Variants in SYCP2 observed in about 807,000 individuals in gnomAD.
SYCP2 encodes synaptonemal complex lateral element protein.
Under a neutral mutation model 211.3 loss-of-function variants are expected in SYCP2, and 55 were observed. The observed-to-expected ratio is 0.26, with a 90% CI of 0.21 to 0.33. SYCP2 has a LOEUF of 0.33. Ranked by LOEUF, SYCP2 falls within the 10% of genes least tolerant of loss-of-function variation. The pLI is 1.00. For synonymous variants in SYCP2, 570 were observed against 555.2 expected (o/e 1.03, Z -0.37); for missense variants, 1,731 against 1,752.0 (o/e 0.99, Z 0.21).
In SYCP2 at chr20:59,869,857, G is replaced by C; in HGVS notation, c.3682C>G (p.Arg1228Gly). The C allele has an allele frequency of 6.2e-7, 1 of 1,607,452 alleles. No homozygotes were observed. The highest frequency in any genetic ancestry group is 8.5e-7 in the Non-Finnish European group (1 of 1,175,492). ...TGTGGAGATTCAATTTCCATAAACC[G>C]TTCTTCTGAACTATAACTGCTTACA... The part of the protein sequence containing the change: ...SDVSSYSSEE[R>G]FMEIESPHIN... Residue 1228 changes from arginine to glycine, a missense_variant, in exon 36 of 45, where the codon CGG (arginine) becomes GGG (glycine). Arg to Gly is a moderately radical substitution (Grantham distance 125). Around this residue, in one of 3 missense-constraint regions of SYCP2, gnomAD observed 1,387 missense variants for 1,351.3 expected, o/e 1.03. Coordinates refer to ENST00000357552, the MANE Select transcript of SYCP2 (RefSeq NM_014258.4).
At chr20:59,932,873 G>A (rs934798587) in intron 1 of SYCP2, among the ~76,000 whole-genome samples, 1 of 152,122 alleles carries the variant, frequency 6.6e-6, no homozygotes. Flanking sequence ...GCGGGAGGGA[G>A]AGAAGGGACT....
In SYCP2 at chr20:59,886,748, G is replaced by A; in HGVS notation, c.2451C>T (p.Asp817=). ...CCTTTAATTTTCTTGTAGACTTGATGTCATCTTTTGTTTTGTATCTTTTAT... is the reference window on the plus strand; with the variant it reads ...CCTTTAATTTTCTTGTAGACTTGATATCATCTTTTGTTTTGTATCTTTTAT... The part of the protein sequence containing the change: ...QINKRYKTKD[D]IKSTRKLKES... Residue 817 remains aspartate (D), a synonymous_variant, in exon 25 of 45, where the codon GAC becomes GAT. Coordinates refer to ENST00000357552, the MANE Select transcript of SYCP2 (RefSeq NM_014258.4). 1.3e-6 allele frequency: 2 copies of A among 1,585,064 alleles called. No individual in the cohort carries two copies. Among genetic ancestry groups the A allele is most frequent in the Middle Eastern group, 1.7e-4 (1 of 5,954 alleles).
At chr20:59,886,052 A>T (rs2059781730) in intron 25 of SYCP2, 88 bp from the exon 26 acceptor site, 1 of 1,000,698 alleles carries the variant, frequency 1.0e-6, no homozygotes, top group Non-Finnish European at 1.5e-6. Flanking sequence ...GTTTGTCACT[A>T]AATTTATATT....
chr20:59,911,720 A>C, intron 14 of SYCP2, 30 bp downstream of exon 14: 1 of 1,150,806 alleles, frequency 8.7e-7, no homozygotes. Flanking sequence ...GCATATACAT[A>C]AAGAATAATA....
intron 20 of SYCP2, among the ~76,000 whole-genome samples, chr20:59,893,944 T>C (rs2076406712): frequency 6.6e-6 from 1 of 152,084 alleles, no homozygotes; most frequent in Admixed American, 6.6e-5. Flanking sequence ...TATTTTGATA[T>C]GGTCCATTCT....
intron 2 of SYCP2, among the ~76,000 whole-genome samples, chr20:59,928,364 C>G (rs1402803165): frequency 6.6e-6 from 1 of 152,064 alleles, no homozygotes; most frequent in African/African-American, 2.4e-5. Context: ...AATGGAAGGA[C>G]TTAACATTAT....
chr20:59,931,769 GA>G (rs1011806919), intron 2 of SYCP2, among the ~76,000 whole-genome samples: 7 of 151,892 alleles, frequency 4.6e-5, no homozygotes, highest in Non-Finnish European at 1.0e-4. Context: ...ACAAACCAAG[GA>G]AAGCAAACTG....
chr20:59,894,469 TTA>T (rs1568943707), intron 20 of SYCP2, among the ~76,000 whole-genome samples: 1 of 152,002 alleles, frequency 6.6e-6, no homozygotes, highest in Non-Finnish European at 1.5e-5. Context: ...CTCATACCCT[TTA>T]TCTTTCTACC....
At position 59,875,382 on chromosome 20, in the gene SYCP2, A is replaced by G; in HGVS notation, c.3238T>C (p.Ser1080Pro). ...VFCAETEKELSKQWKNSSLLK... is the reference protein window; with the variant it reads ...VFCAETEKELPKQWKNSSLLK... ...AGAGATGAGTTTTTCCATTGTTTTG[A>G]TAGTTCCTTTTCTGTTTCAGCACAG... Residue 1080 changes from serine (S) to proline (P), a missense_variant, in exon 34 of 45, where the codon TCA becomes CCA. By Grantham distance (74) the Ser-to-Pro change is moderately conservative. Around this residue, in one of 3 missense-constraint regions of SYCP2, gnomAD observed 1,387 missense variants for 1,351.3 expected, o/e 1.03. Coordinates refer to ENST00000357552, the MANE Select transcript of SYCP2 (RefSeq NM_014258.4). 1 of 1,612,882 alleles carries G rather than the reference A, an allele frequency of 6.2e-7. No individual in the cohort carries two copies. The highest frequency in any genetic ancestry group is 8.5e-7 in the Non-Finnish European group (1 of 1,179,402).
chr20:59,932,078 C>T lies in SYCP2; in HGVS notation c.-63G>A, dbSNP rs1367407979. The T allele has an allele frequency of 6.6e-6, 1 of 151,992 alleles. No individual in the cohort carries two copies. Among genetic ancestry groups the T allele is most frequent in the Non-Finnish European group, 1.5e-5 (1 of 68,010 alleles). 9.4% of individuals were successfully genotyped at this position (151,992 alleles called of 1,614,324 possible). ...TGGATTTACCTGACAAGTAAGCAGG[C>T]TCTGGGCTCCAGTCTACTGAACTGG... On this transcript the variant is annotated 5_prime_UTR_variant, in exon 2 of 45. Transcript: ENST00000357552.
At chr20:59,920,978 G>A (rs2145877046) in intron 4 of SYCP2, among the ~76,000 whole-genome samples, 1 of 151,648 alleles carries the variant, frequency 6.6e-6, no homozygotes, top group Middle Eastern at 3.4e-3. Flanking sequence ...GTAACATCAA[G>A]TATACACTGA....
intron 14 of SYCP2, among the ~76,000 whole-genome samples, chr20:59,909,283 T>G (rs1446341138): frequency 6.6e-6 from 1 of 152,214 alleles, no homozygotes; most frequent in Non-Finnish European, 1.5e-5. Context: ...TCAACTTCCA[T>G]CCAGCTACCC....
chr20:59,915,458 T>C lies in SYCP2; in HGVS notation c.599+7A>G, dbSNP rs1289519583. 4 of 1,560,098 alleles carry C rather than the reference T, an allele frequency of 2.6e-6. No homozygotes were observed. The highest frequency in any genetic ancestry group is 2.2e-5 in the East Asian group (1 of 44,460). On this transcript the variant is annotated splice_region_variant and intron_variant, in intron 9 of 44. Coordinates refer to ENST00000357552, the MANE Select transcript of SYCP2 (RefSeq NM_014258.4). Reference sequence around the variant, plus strand: ...AGAATAAAAACCATATAAGTACAGATTATTACATGAGAATTAACATTTCTT... The same window carrying C: ...AGAATAAAAACCATATAAGTACAGACTATTACATGAGAATTAACATTTCTT...
At chr20:59,882,200 C>T (rs1471619083) in intron 26 of SYCP2, 35 bp from the exon 27 acceptor site, 2 of 1,481,716 alleles carry the variant, frequency 1.3e-6, no homozygotes, top group Admixed American at 3.5e-5. Flanking sequence ...CATTAAATGG[C>T]TAACAGGTAT....
chr20:59,902,141 A>T (rs1403087054), intron 15 of SYCP2, among the ~76,000 whole-genome samples: 2 of 152,164 alleles, frequency 1.3e-5, no homozygotes, highest in African/African-American at 2.4e-5. Context: ...AATTTAAAAA[A>T]AGGCAAACAA....
intron 44 of SYCP2, among the ~76,000 whole-genome samples, chr20:59,864,916 A>G (rs2059299492): frequency 6.6e-6 from 1 of 151,960 alleles, no homozygotes; most frequent in African/African-American, 2.4e-5. Context: ...GTCCATCCAC[A>G]TTTCCCCCCA....
intron 2 of SYCP2, among the ~76,000 whole-genome samples, chr20:59,927,298 CAG>C (rs1333980328): frequency 5.3e-5 from 8 of 152,084 alleles, no homozygotes; most frequent in Non-Finnish European, 1.2e-4. Flanking sequence ...ATGTTCAAAA[CAG>C]AAAATCTTTA....
chr20:59,903,816 A>G (rs1568957984), intron 15 of SYCP2, among the ~76,000 whole-genome samples: 1 of 152,154 alleles, frequency 6.6e-6, no homozygotes, highest in Non-Finnish European at 1.5e-5. Context: ...ATGGACATGG[A>G]AGACTGCCAA....
At chr20:59,914,080 C>A in intron 11 of SYCP2, 29 bp downstream of exon 11, 4 of 1,574,830 alleles carry the variant, frequency 2.5e-6, no homozygotes, top group Admixed American at 1.8e-5. Context: ...TAAAAATTCA[C>A]GAATTTCTGT....
Sources: gnomAD v4.1 joint callset for allele counts (sites outside exome capture counted in the v4.1 genomes callset) on GRCh38, gnomAD v4.1.1 for gene constraint, gnomAD v4.1.1 regional missense constraint, MANE v1.5 for transcripts, NCBI Gene and HGNC (gene_info 2026-07-23, HGNC 2026-07-21) for gene names.